The following TTC28 variants were observed in gnomAD, a reference collection of about 807,000 sequenced individuals.
TTC28 encodes the protein tetratricopeptide repeat protein 28.
Under a neutral mutation model 198.0 loss-of-function variants are expected in TTC28, and 61 were observed. The ratio of observed to expected loss-of-function variants is 0.31; its 90% CI spans 0.25 to 0.38. TTC28 has a LOEUF of 0.38. Ranked by LOEUF, TTC28 falls within the 10% of genes least tolerant of loss-of-function variation. The probability of loss-of-function intolerance (pLI) is 1.00; values close to 1 mark genes in which losing one functional copy is unlikely to be tolerated. For missense variants in TTC28, 2,678 were observed against 3,164.0 expected (o/e 0.85, Z 3.69); for synonymous variants, 1,171 against 1,297.8 (o/e 0.90, Z 2.10).
At chr22:28,161,329 G>A (rs986391769) in intron 6 of TTC28, among the ~76,000 whole-genome samples, 7 of 152,068 alleles carry the variant, frequency 4.6e-5, no homozygotes, top group African/African-American at 1.4e-4. Context: ...CCAGGAGTTC[G>A]AGACTAGCCT....
intron 2 of TTC28, among the ~76,000 whole-genome samples, chr22:28,404,613 T>C (rs1344521761): frequency 3.9e-5 from 6 of 152,138 alleles, no homozygotes; most frequent in African/African-American, 1.4e-4. Context: ...CCTCTCTCTA[T>C]CATTCTTTCT....
At position 28,163,084 on chromosome 22, in the gene TTC28, G is replaced by A; in HGVS notation, c.1441+8C>T. ...GACCTGGGCTCTTACAGGCAACCCT[G>A]TTCTTACCTAGATTGGAGGATGCTC... On this transcript the variant is annotated splice_region_variant and intron_variant, in intron 6 of 22. Transcript: ENST00000397906. The A allele has an allele frequency of 1.3e-6, 2 of 1,541,180 alleles. No homozygotes were observed. The highest frequency in any genetic ancestry group is 1.2e-5 in the South Asian group (1 of 81,964).
intron 2 of TTC28, among the ~76,000 whole-genome samples, chr22:28,546,530 GTGAGCA>G (rs1488208749): frequency 2.0e-5 from 3 of 152,186 alleles, no homozygotes; most frequent in Non-Finnish European, 2.9e-5. Flanking sequence ...TATATTGTTG[GTGAGCA>G]TGTAAAGTGG....
At chr22:28,565,785 C>A (rs951844519) in intron 2 of TTC28, among the ~76,000 whole-genome samples, 1 of 151,798 alleles carries the variant, frequency 6.6e-6, no homozygotes, top group Non-Finnish European at 1.5e-5. Context: ...TTAGATTTTC[C>A]CTTAATGGAA....
At chr22:28,469,450 T>C (rs1047589024) in intron 2 of TTC28, among the ~76,000 whole-genome samples, 4 of 152,148 alleles carry the variant, frequency 2.6e-5, no homozygotes, top group Non-Finnish European at 5.9e-5. Flanking sequence ...AGAGGTACTT[T>C]GCACATGTGA....
At chr22:28,473,832 A>G (rs553572152) in intron 2 of TTC28, among the ~76,000 whole-genome samples, 1 of 152,348 alleles carries the variant, frequency 6.6e-6, no homozygotes, top group South Asian at 2.1e-4. Context: ...AGATTAGGGC[A>G]CAGACATACC....
chr22:28,256,186 C>T (rs1930902144), intron 5 of TTC28, among the ~76,000 whole-genome samples: 1 of 151,250 alleles, frequency 6.6e-6, no homozygotes, highest in Non-Finnish European at 1.5e-5. Context: ...CTTTGGGAGG[C>T]TGAGGCAGGC....
At chr22:28,017,782 G>T (rs1198132486) in intron 13 of TTC28, among the ~76,000 whole-genome samples, 1 of 152,166 alleles carries the variant, frequency 6.6e-6, no homozygotes, top group African/African-American at 2.4e-5. Context: ...CCTAGGGGAT[G>T]AGCATAAGGA....
chr22:28,496,453 G>C (rs748554041), intron 2 of TTC28, among the ~76,000 whole-genome samples: 8 of 151,920 alleles, frequency 5.3e-5, no homozygotes, highest in Non-Finnish European at 8.8e-5. Flanking sequence ...CAAAAACCTT[G>C]GAGTCGCCAC....
chr22:28,168,268 G>T (rs113639265), intron 5 of TTC28, among the ~76,000 whole-genome samples: 2 of 152,074 alleles, frequency 1.3e-5, no homozygotes, highest in Non-Finnish European at 2.9e-5. Context: ...ATAGATTCAA[G>T]GCCATCCCCA....
intron 2 of TTC28, among the ~76,000 whole-genome samples, chr22:28,597,640 T>C (rs943078684): frequency 2.6e-5 from 4 of 152,192 alleles, no homozygotes; most frequent in Non-Finnish European, 5.9e-5. Context: ...CCAATTATTA[T>C]AGAGAAGCAC....
chr22:28,266,144 C>T (rs1931669422), intron 5 of TTC28, among the ~76,000 whole-genome samples: 1 of 150,584 alleles, frequency 6.6e-6, no homozygotes, highest in African/African-American at 2.5e-5. Context: ...CACACCACTA[C>T]ACTCCAGCTT....
chr22:28,221,525 G>A (rs557498224), intron 5 of TTC28, among the ~76,000 whole-genome samples: 2 of 152,200 alleles, frequency 1.3e-5, no homozygotes, highest in African/African-American at 2.4e-5. Context: ...TAGGACACTG[G>A]GTAGATTCTA....
intron 2 of TTC28, among the ~76,000 whole-genome samples, chr22:28,566,827 T>C (rs1255569392): frequency 6.6e-6 from 1 of 152,164 alleles, no homozygotes; most frequent in Admixed American, 6.5e-5. Context: ...CTCACACCTA[T>C]AATACCAGCA....
At chr22:28,662,975 G>A (rs991643191) in intron 1 of TTC28, among the ~76,000 whole-genome samples, 3 of 151,904 alleles carry the variant, frequency 2.0e-5, no homozygotes, top group Admixed American at 6.6e-5. Context: ...TCCACCGGGC[G>A]CGGTGGCTCA....
intron 6 of TTC28, among the ~76,000 whole-genome samples, chr22:28,149,781 G>A (rs1943563896): frequency 6.6e-6 from 1 of 152,148 alleles, no homozygotes; most frequent in African/African-American, 2.4e-5. Context: ...GTTCATCAAA[G>A]GGTGCAAATT....
intron 14 of TTC28, among the ~76,000 whole-genome samples, chr22:28,009,842 G>C (rs1289528830): frequency 1.3e-5 from 2 of 152,240 alleles, no homozygotes; most frequent in Non-Finnish European, 2.9e-5. Flanking sequence ...GGGATGGAGA[G>C]GACTCCTAAT....
chr22:28,063,263 C>G (rs1287896152), intron 12 of TTC28, among the ~76,000 whole-genome samples: 1 of 152,092 alleles, frequency 6.6e-6, no homozygotes, highest in African/African-American at 2.4e-5. Flanking sequence ...CCAAGATATC[C>G]ATGTCCCCCT....
intron 19 of TTC28, 86 bp downstream of exon 19, chr22:27,992,501 A>T: frequency 7.4e-7 from 1 of 1,353,832 alleles, no homozygotes; most frequent in Non-Finnish European, 1.0e-6. Context: ...ATTCACTTAC[A>T]GGTTCCTATT....
Sources: allele counts gnomAD v4.1 joint callset (sites outside exome capture counted in the v4.1 genomes callset), GRCh38; gene constraint gnomAD v4.1.1; transcripts MANE v1.5; gene names NCBI Gene and HGNC (gene_info 2026-07-23, HGNC 2026-07-21).